Variants in CEP63 observed in about 807,000 individuals in gnomAD.
CEP63 encodes the protein centrosomal protein 63, also known as centrosomal protein of 63 kDa.
Under a neutral mutation model 89.1 loss-of-function variants are expected in CEP63, and 84 were observed. That is an observed-to-expected ratio of 0.94 (90% CI 0.79 to 1.13). The LOEUF (loss-of-function observed/expected upper bound fraction) is 1.13. Among genes scored for constraint, CEP63 ranks in the 50% most tolerant of loss-of-function variants. The probability of loss-of-function intolerance (pLI) is 0.00; values close to 1 mark genes in which losing one functional copy is unlikely to be tolerated. For synonymous variants in CEP63, 267 were observed against 272.5 expected (o/e 0.98, Z 0.20); for missense variants, 838 against 813.3 (o/e 1.03, Z -0.37).
chr3:134,581,878 T>C (rs1958361890), intron 10 of CEP63, among the ~76,000 whole-genome samples: 1 of 151,408 alleles, frequency 6.6e-6, no homozygotes, highest in Non-Finnish European at 1.5e-5. Flanking sequence ...GGTTTCACCG[T>C]GTTAGCCAGG....
intron 10 of CEP63, among the ~76,000 whole-genome samples, chr3:134,580,696 C>G (rs1369585081): frequency 6.6e-6 from 1 of 152,162 alleles, no homozygotes; most frequent in African/African-American, 2.4e-5. Context: ...AAAGAACAAG[C>G]TTAATACATC....
the CEP63 span, among the ~76,000 whole-genome samples, chr3:134,662,799 A>T: frequency 6.6e-6 from 1 of 152,200 alleles, no homozygotes; most frequent in Non-Finnish European, 1.5e-5. Context: ...AAAGTCTATC[A>T]CTCAGTGAGA....
At chr3:134,746,600 T>C in the CEP63 span, among the ~76,000 whole-genome samples, 1 of 152,258 alleles carries the variant, frequency 6.6e-6, no homozygotes, top group African/African-American at 2.4e-5. Context: ...CCTGACTTTT[T>C]AATGATTGCT....
the CEP63 span, among the ~76,000 whole-genome samples, chr3:134,758,855 G>A: frequency 6.6e-6 from 1 of 152,128 alleles, no homozygotes; most frequent in African/African-American, 2.4e-5. Flanking sequence ...CCTGGAACCT[G>A]TGCATGTGTT....
At chr3:134,539,169 T>G (rs1415040571) in intron 6 of CEP63, among the ~76,000 whole-genome samples, 1 of 152,204 alleles carries the variant, frequency 6.6e-6, no homozygotes, top group Non-Finnish European at 1.5e-5. Flanking sequence ...TTTAAACATC[T>G]AAATAAACTT....
the CEP63 span, chr3:134,608,500 C>T: frequency 6.4e-7 from 1 of 1,555,802 alleles, no homozygotes; most frequent in African/African-American, 1.3e-5. Flanking sequence ...TCCACTCATC[C>T]ACATGCACAC....
At chr3:134,736,905 C>T in the CEP63 span, among the ~76,000 whole-genome samples, 1 of 152,018 alleles carries the variant, frequency 6.6e-6, no homozygotes, top group Non-Finnish European at 1.5e-5. Flanking sequence ...TAGCACATAA[C>T]AATAATTTTT....
the CEP63 span, among the ~76,000 whole-genome samples, chr3:134,609,299 C>G: frequency 1.1e-4 from 16 of 152,298 alleles, 1 homozygote; most frequent in South Asian, 2.9e-3. Context: ...GGAGTGCTGC[C>G]TCTCTGGATG....
chr3:134,603,520 G>C, the CEP63 span: 1 of 1,470,266 alleles, frequency 6.8e-7, no homozygotes, highest in Non-Finnish European at 9.2e-7. Flanking sequence ...CTTCCTTCGA[G>C]CCCTCCCTGG....
In CEP63 at chr3:134,561,452, A is replaced by G. The variant is rs769746268; in HGVS notation, c.2029A>G (p.Ile677Val). 2 of 1,613,998 alleles carry G rather than the reference A, an allele frequency of 1.2e-6. No homozygotes were observed. The highest frequency in any genetic ancestry group is 1.7e-6 in the Non-Finnish European group (2 of 1,179,922). ...AGAGGAGGAACTGAGGTCTCATCACATTCTAGAGCGCTTGGATGCCCATAT... is the reference window on the plus strand; with the variant it reads ...AGAGGAGGAACTGAGGTCTCATCACGTTCTAGAGCGCTTGGATGCCCATAT... ...LEEEELRSHHILERLDAHIEE... is the reference protein window; with the variant it reads ...LEEEELRSHHVLERLDAHIEE... The change falls in exon 15 of 15, where the codon ATT (isoleucine) becomes GTT (valine). Residue 677 changes from isoleucine to valine, a missense_variant. Coordinates refer to ENST00000675561, the MANE Select transcript of CEP63 (RefSeq NM_001353108.3).
the CEP63 span, among the ~76,000 whole-genome samples, chr3:134,639,168 A>G: frequency 6.6e-6 from 1 of 151,050 alleles, no homozygotes; most frequent in Non-Finnish European, 1.5e-5. Context: ...CTGGTTAGAT[A>G]TTCAACAGAG....
the CEP63 span, among the ~76,000 whole-genome samples, chr3:134,689,707 G>A: frequency 6.6e-6 from 1 of 152,092 alleles, no homozygotes; most frequent in African/African-American, 2.4e-5. Flanking sequence ...ACCCACCTCA[G>A]CCTCCCAAAG....
At chr3:134,551,143 A>C (rs1954731793) in intron 11 of CEP63, among the ~76,000 whole-genome samples, 1 of 152,212 alleles carries the variant, frequency 6.6e-6, no homozygotes, top group Non-Finnish European at 1.5e-5. Flanking sequence ...TTGGTTTGAC[A>C]CATTTGTTTG....
At chr3:134,772,772 T>C in the CEP63 span, among the ~76,000 whole-genome samples, 2 of 152,062 alleles carry the variant, frequency 1.3e-5, no homozygotes, top group African/African-American at 4.8e-5. Flanking sequence ...AAGCTTTTCC[T>C]TATGGAGTTT....
chr3:134,616,625 C>A, the CEP63 span, among the ~76,000 whole-genome samples: 1 of 152,266 alleles, frequency 6.6e-6, no homozygotes, highest in African/African-American at 2.4e-5. Context: ...CATGTTGGAA[C>A]TAATTTTAAA....
the CEP63 span, among the ~76,000 whole-genome samples, chr3:134,765,305 G>A: frequency 6.6e-6 from 1 of 152,238 alleles, no homozygotes; most frequent in African/African-American, 2.4e-5. Flanking sequence ...CACCTGTTGA[G>A]CACTGACCAG....
At chr3:134,636,333 A>G in the CEP63 span, among the ~76,000 whole-genome samples, 1 of 152,150 alleles carries the variant, frequency 6.6e-6, no homozygotes, top group Admixed American at 6.5e-5. Flanking sequence ...ATTCCTCCCA[A>G]TGAGAGGTCT....
chr3:134,747,861 C>G, the CEP63 span, among the ~76,000 whole-genome samples: 1 of 152,244 alleles, frequency 6.6e-6, no homozygotes, highest in African/African-American at 2.4e-5. Context: ...TCTCGGCTCA[C>G]TGCTACCTCT....
chr3:134,782,387 A>G, the CEP63 span, among the ~76,000 whole-genome samples: 1 of 152,138 alleles, frequency 6.6e-6, no homozygotes, highest in Admixed American at 6.6e-5. Flanking sequence ...CAAATATTCT[A>G]TTTTTTATTG....
Sources: gnomAD v4.1 joint callset for allele counts (sites outside exome capture counted in the v4.1 genomes callset) on GRCh38, gnomAD v4.1.1 for gene constraint, MANE v1.5 for transcripts, NCBI Gene and HGNC (gene_info 2026-07-23, HGNC 2026-07-21) for gene names.